Variants in NME9 observed in about 807,000 individuals in gnomAD.
NME9 encodes thioredoxin domain-containing protein 6.
In NME9, 48 loss-of-function variants were observed where a neutral mutation model predicts 44.4. That is an observed-to-expected ratio of 1.08 (90% CI 0.86 to 1.37). NME9 has a LOEUF of 1.37. Ranked by LOEUF, NME9 falls within the 40% of genes most tolerant of loss-of-function variation. NME9 has a pLI of 0.00. For missense variants in NME9, 325 were observed against 405.2 expected, an observed-to-expected ratio of 0.80 and a Z score of 1.70; for synonymous variants, 139 against 147.1, an observed-to-expected ratio of 0.94 and a Z score of 0.40.
intron 8 of NME9, among the ~76,000 whole-genome samples, chr3:138,281,177 A>G (rs2049875281): frequency 6.6e-6 from 1 of 152,062 alleles, no homozygotes; most frequent in South Asian, 2.1e-4. Flanking sequence ...CCAGTTGTTC[A>G]TATTAGTATA....
rs1486209866 is a variant in NME9, at chr3:138,329,524, A to C, written c.-189T>G. 7.3e-7 allele frequency: 1 copy of C among 1,370,752 alleles called. No homozygotes were observed. Among genetic ancestry groups the C allele is most frequent in the South Asian group, 1.7e-5 (1 of 58,656 alleles). The allele number at this position is 1,370,752 out of a possible 1,614,324, so 84.9% of individuals were successfully genotyped here. Reference sequence around the variant, plus strand: ...ATCAGCACACTGATACAAAGTGAACACCCCGCGAGGAAGCGGAGCCTGCAG... The same window carrying C: ...ATCAGCACACTGATACAAAGTGAACCCCCCGCGAGGAAGCGGAGCCTGCAG... On this transcript the variant is annotated 5_prime_UTR_variant, in exon 1 of 11. Coordinates refer to ENST00000333911, the MANE Select transcript of NME9 (RefSeq NM_001349018.2).
chr3:138,325,237 T>C (rs2108467315), intron 1 of NME9, among the ~76,000 whole-genome samples: 2 of 152,326 alleles, frequency 1.3e-5, no homozygotes, highest in South Asian at 4.1e-4. Flanking sequence ...CATCAAACTG[T>C]AGGTTTCATT....
chr3:138,271,940 C>T (rs188996706), intron 8 of NME9, among the ~76,000 whole-genome samples: 8 of 152,080 alleles, frequency 5.3e-5, no homozygotes, highest in Admixed American at 2.0e-4. Flanking sequence ...GGATTACAGG[C>T]GTGTGCCACC....
chr3:138,322,521 T>C (rs6439801), intron 2 of NME9, among the ~76,000 whole-genome samples: 15,702 of 149,896 alleles, frequency 0.1, 2,686 homozygotes, highest in African/African-American at 0.36. Context: ...TGTGTGTGTG[T>C]CTGTGCATGC....
intron 8 of NME9, among the ~76,000 whole-genome samples, chr3:138,286,554 C>T (rs1370599205): frequency 6.6e-6 from 1 of 152,178 alleles, no homozygotes; most frequent in Non-Finnish European, 1.5e-5. Flanking sequence ...CACGTGCTCT[C>T]CTGAGATCAG....
intron 8 of NME9, among the ~76,000 whole-genome samples, chr3:138,293,023 C>CCCACTCT (rs2051120085): frequency 6.6e-6 from 1 of 152,190 alleles, no homozygotes; most frequent in South Asian, 2.1e-4. Context: ...CCTTGCCTGA[C>CCCACTCT]CCACTCTCCA....
intron 4 of NME9, among the ~76,000 whole-genome samples, chr3:138,316,393 G>A (rs2053082836): frequency 6.6e-6 from 1 of 152,188 alleles, no homozygotes; most frequent in Non-Finnish European, 1.5e-5. Flanking sequence ...CAGCCTTCAT[G>A]AATGGGTAGT....
At chr3:138,311,146 A>C (rs1166015349) in intron 6 of NME9, among the ~76,000 whole-genome samples, 1 of 152,184 alleles carries the variant, frequency 6.6e-6, no homozygotes, top group Non-Finnish European at 1.5e-5. Context: ...AACCTAAAAG[A>C]AATAGATAAA....
Position 138,301,394 on chromosome 3 carries a change from A to T in NME9, c.*246T>A. 1.6e-6 allele frequency: 1 copy of T among 638,652 alleles called. No individual in the cohort carries two copies. Among genetic ancestry groups the T allele is most frequent in the Non-Finnish European group, 2.3e-6 (1 of 437,244 alleles). 39.6% of individuals were successfully genotyped at this position (638,652 alleles called of 1,614,324 possible). A position where few individuals can be genotyped will look rare whatever the true frequency, so the allele number is the denominator to read the frequency against. On this transcript the variant is annotated 3_prime_UTR_variant, in exon 11 of 11. Coordinates refer to ENST00000333911, the MANE Select transcript of NME9 (RefSeq NM_001349018.2). ...AATTTTTTGTATTTTTAGTAGAGAC[A>T]GGGTTTCACCATGTTGGCTAGGCTG...
At chr3:138,310,696 T>A (rs940585950) in intron 6 of NME9, among the ~76,000 whole-genome samples, 6 of 152,150 alleles carry the variant, frequency 3.9e-5, no homozygotes, top group African/African-American at 1.4e-4. Context: ...AAAAGGGAAA[T>A]TTTTAATTTC....
chr3:138,295,814 A>G lies in NME9; in HGVS notation c.745+7693T>C, dbSNP rs368970818. 35 of 1,608,192 alleles carry G rather than the reference A, an allele frequency of 2.2e-5. No individual in the cohort carries two copies. The East Asian group carries it at 2.9e-4, about 13-fold the overall frequency. ...TTGAACCATAGGGTTTTTTACCCCA[A>G]TTACAATTCTGAGATGATGGCTAAC... On this transcript the variant is annotated intron_variant, in intron 8 of 8. Coordinates refer to the NME9 transcript ENST00000317876.
chr3:138,272,611 T>C (rs1033831271), intron 8 of NME9, among the ~76,000 whole-genome samples: 1 of 152,250 alleles, frequency 6.6e-6, no homozygotes, highest in African/African-American at 2.4e-5. Flanking sequence ...GCCTGGTGGC[T>C]CACACCTGTA....
At chr3:138,292,335 G>A (rs186600100) in intron 8 of NME9, among the ~76,000 whole-genome samples, 10 of 152,258 alleles carry the variant, frequency 6.6e-5, no homozygotes, top group East Asian at 1.9e-4. Flanking sequence ...CCACCACGCC[G>A]GGCCCTGATT....
intron 1 of NME9, among the ~76,000 whole-genome samples, chr3:138,325,569 T>C (rs1456599062): frequency 6.6e-6 from 1 of 151,986 alleles, no homozygotes; most frequent in Non-Finnish European, 1.5e-5. Flanking sequence ...CCACTACACC[T>C]GGCCATTTTT....
intron 6 of NME9, among the ~76,000 whole-genome samples, chr3:138,307,689 G>A (rs2052377722): frequency 6.6e-6 from 1 of 152,170 alleles, no homozygotes; most frequent in African/African-American, 2.4e-5. Context: ...AAGAAGAAAA[G>A]AGACCAAAGC....
intron 8 of NME9, among the ~76,000 whole-genome samples, chr3:138,273,896 A>C (rs2049016448): frequency 6.6e-6 from 1 of 150,528 alleles, no homozygotes; most frequent in South Asian, 2.1e-4. Flanking sequence ...CGGTCATTGC[A>C]ACCTCCACTT....
At chr3:138,292,268 G>A (rs1423698419) in intron 8 of NME9, among the ~76,000 whole-genome samples, 1 of 152,196 alleles carries the variant, frequency 6.6e-6, no homozygotes, top group Non-Finnish European at 1.5e-5. Flanking sequence ...TCAAACTTCT[G>A]ACCTCAGATC....
At chr3:138,328,894 C>G (rs1479807778) in intron 1 of NME9, among the ~76,000 whole-genome samples, 1 of 152,204 alleles carries the variant, frequency 6.6e-6, no homozygotes, top group African/African-American at 2.4e-5. Flanking sequence ...GTTACAGACT[C>G]ATGCCCAAAG....
chr3:138,321,485 A>G (rs1471890622), intron 2 of NME9, among the ~76,000 whole-genome samples: 1 of 152,216 alleles, frequency 6.6e-6, no homozygotes, highest in Admixed American at 6.5e-5. Context: ...CACCTCTTAA[A>G]ACCATTACTT....
Sources: allele counts gnomAD v4.1 joint callset (sites outside exome capture counted in the v4.1 genomes callset), GRCh38; gene constraint gnomAD v4.1.1; transcripts MANE v1.5; gene names NCBI Gene and HGNC (gene_info 2026-07-23, HGNC 2026-07-21).